UBE2QL1: variants seen among roughly 807,000 people sequenced by gnomAD.
UBE2QL1 encodes the protein ubiquitin-conjugating enzyme E2Q-like protein 1.
Under a neutral mutation model 12.6 loss-of-function variants are expected in UBE2QL1, and 5 were observed. The ratio of observed to expected loss-of-function variants is 0.40; its 90% confidence interval spans 0.21 to 0.83. The LOEUF (loss-of-function observed/expected upper bound fraction) is 0.83, where lower values mean the gene tolerates loss of function less well. Ranked by LOEUF, UBE2QL1 falls within the 40% of genes least tolerant of loss-of-function variation. The pLI, the probability that UBE2QL1 is intolerant of heterozygous loss-of-function variation, is 0.37. For synonymous variants in UBE2QL1, 96 were observed against 94.5 expected (o/e 1.02, Z -0.10); for missense variants, 99 against 222.6 (o/e 0.44, Z 3.53).
At position 6,481,959 on chromosome 5, in the gene UBE2QL1, C is replaced by T. The variant is rs75616436; in HGVS notation, c.355-9259C>T. 0.012 allele frequency among the ~76,000 whole-genome samples: 1,855 copies of T among 152,322 alleles called. 35 individuals carry two copies. Among genetic ancestry groups the T allele is most frequent in the African/African-American group, 0.042 (1,758 of 41,572 alleles). ...CCCCAAAATAGTTGAAGTCCTACCC[C>T]CTGTGGCTGTGAATGTGACCTTATT... On this transcript the variant is annotated intron_variant, in intron 1 of 1. Transcript: ENST00000399816. This position sits in a 1 kb window ranked among gnomAD's most constrained non-coding sequence, Gnocchi z 4.5.
chr5:6,461,797 T>C (rs1739672631), intron 1 of UBE2QL1, among the ~76,000 whole-genome samples: 1 of 152,176 alleles, frequency 6.6e-6, no homozygotes, highest in Non-Finnish European at 1.5e-5. Context: ...AGTGAGATGA[T>C]TCCGATCACC....
intron 1 of UBE2QL1, among the ~76,000 whole-genome samples, chr5:6,461,545 C>T (rs1007807636): frequency 1.8e-5 from 2 of 108,490 alleles, no homozygotes; most frequent in Admixed American, 1.0e-4. Flanking sequence ...CACCCACCAC[C>T]CCCCCCCGCC....
In UBE2QL1 at chr5:6,472,547, C is replaced by T. The variant is rs76611413; in HGVS notation, c.355-18671C>T. 2.5e-3 allele frequency among the ~76,000 whole-genome samples: 375 copies of T among 152,250 alleles called. 1 individual carries two copies. Among genetic ancestry groups the T allele is most frequent in the African/African-American group, 8.5e-3 (353 of 41,542 alleles). ...CCTGATGACTGGGATCTGGACATCA[C>T]GCTGCATACTTGTCAGCCATTCAGG... On this transcript the variant is annotated intron_variant, in intron 1 of 1. Transcript: ENST00000399816.
rs1344522756 is a variant in UBE2QL1, at chr5:6,491,375, G to A, written c.*26G>A. On this transcript the variant is annotated 3_prime_UTR_variant, in exon 2 of 2. Coordinates refer to ENST00000399816, the MANE Select transcript of UBE2QL1 (RefSeq NM_001145161.3). ...TGTCTGCCACGTGCAGTAGACGCTC[G>A]AGCGCCTGTCCACACACACACCAGT... 6.5e-6 allele frequency: 10 copies of A among 1,536,458 alleles called. No homozygotes were observed. The highest frequency in any genetic ancestry group is 2.4e-5 in the East Asian group (1 of 40,876).
At chr5:6,473,433 C>A (rs1183624346) in intron 1 of UBE2QL1, among the ~76,000 whole-genome samples, 1 of 152,208 alleles carries the variant, frequency 6.6e-6, no homozygotes, top group Non-Finnish European at 1.5e-5. Flanking sequence ...AGCATGTCAG[C>A]ATCAGCGCCC....
chr5:6,456,287 A>T (rs1739521195), intron 1 of UBE2QL1, among the ~76,000 whole-genome samples: 1 of 152,230 alleles, frequency 6.6e-6, no homozygotes, highest in Non-Finnish European at 1.5e-5. Flanking sequence ...CTGGGTATAT[A>T]GTGGGGACAT....
rs995696369 is a variant in UBE2QL1, at chr5:6,493,283, G to C, written c.*1934G>C. On this transcript the variant is annotated 3_prime_UTR_variant, in exon 2 of 2. Transcript: ENST00000399816. ...GTGGTCATCATGGAATTACACTGTG[G>C]AGATGAAAGACCTAGGACAGAAACA... 2 of 152,236 alleles carry C rather than the reference G, an allele frequency of 1.3e-5. No homozygotes were observed. The highest frequency in any genetic ancestry group is 2.9e-5 in the Non-Finnish European group (2 of 68,034). 9.4% of individuals were successfully genotyped at this position (152,236 alleles called of 1,614,324 possible). A position where few individuals can be genotyped will look rare whatever the true frequency, so the allele number is the denominator to read the frequency against.
At chr5:6,469,541 TTATACA>T (rs1440487673) in intron 1 of UBE2QL1, among the ~76,000 whole-genome samples, 1 of 147,234 alleles carries the variant, frequency 6.8e-6, no homozygotes, top group African/African-American at 2.5e-5. Flanking sequence ...TATCCTTAGA[TTATACA>T]TATATATAAT....
chr5:6,478,622 GT>G lies in UBE2QL1; in HGVS notation c.355-12583del, dbSNP rs11420520. Among the ~76,000 whole-genome samples, 9,638 of 144,544 alleles carry G rather than the reference GT, an allele frequency of 0.067. 325 individuals are homozygous for G. Among genetic ancestry groups the G allele is most frequent in the Middle Eastern group, 0.11 (30 of 276 alleles). 94.8% of individuals were successfully genotyped at this position (144,544 alleles called of 152,430 possible). A position where few individuals can be genotyped will look rare whatever the true frequency, so the allele number is the denominator to read the frequency against. ...CTAGTGACATTCTTGGTCTCTTTCG[GT>G]TTTTTTTTTTTTGGACTTTAACAGC... On this transcript the variant is annotated intron_variant, in intron 1 of 1. Transcript: ENST00000399816. The surrounding 1 kb of genome is among the most constrained non-coding windows in gnomAD (Gnocchi z 4.5).
intron 1 of UBE2QL1, among the ~76,000 whole-genome samples, chr5:6,462,523 T>G (rs772102485): frequency 8.6e-4 from 131 of 152,364 alleles, no homozygotes; most frequent in Non-Finnish European, 1.6e-3. Flanking sequence ...CAGCTCCTCC[T>G]GCTCCTGCTT....
chr5:6,491,383 G>A lies in UBE2QL1; in HGVS notation c.*34G>A. ...ACGTGCAGTAGACGCTCGAGCGCCTGTCCACACACACACCAGTACCCTGAC... is the reference window on the plus strand; with the variant it reads ...ACGTGCAGTAGACGCTCGAGCGCCTATCCACACACACACCAGTACCCTGAC... On this transcript the variant is annotated 3_prime_UTR_variant, in exon 2 of 2. Coordinates refer to ENST00000399816, the MANE Select transcript of UBE2QL1 (RefSeq NM_001145161.3). 6 of 1,530,852 alleles carry A rather than the reference G, an allele frequency of 3.9e-6. No individual in the cohort carries two copies. Among genetic ancestry groups the A allele is most frequent in the Non-Finnish European group, 5.3e-6 (6 of 1,138,176 alleles). The allele number at this position is 1,530,852 out of a possible 1,614,324, so 94.8% of individuals were successfully genotyped here. A position where few individuals can be genotyped will look rare whatever the true frequency, so the allele number is the denominator to read the frequency against.
intron 1 of UBE2QL1, among the ~76,000 whole-genome samples, chr5:6,465,776 C>T (rs73739320): frequency 0.04 from 6,068 of 152,306 alleles, 184 homozygotes; most frequent in African/African-American, 0.082. Context: ...TCTAGGCTTC[C>T]GGAGGCCAGC....
chr5:6,491,362 G>A lies in UBE2QL1; in HGVS notation c.*13G>A. The stretch of plus-strand genomic sequence containing the variant: ...GTCCGACGGCTGATGTCTGCCACGT[G>A]CAGTAGACGCTCGAGCGCCTGTCCA... On this transcript the variant is annotated 3_prime_UTR_variant, in exon 2 of 2. Coordinates refer to ENST00000399816, the MANE Select transcript of UBE2QL1 (RefSeq NM_001145161.3). The A allele has an allele frequency of 6.5e-7, 1 of 1,545,138 alleles. No homozygotes were observed. The highest frequency in any genetic ancestry group is 8.7e-7 in the Non-Finnish European group (1 of 1,144,274).
intron 1 of UBE2QL1, among the ~76,000 whole-genome samples, chr5:6,471,712 G>A (rs762145479): frequency 1.3e-5 from 2 of 152,204 alleles, no homozygotes; most frequent in African/African-American, 2.4e-5. Flanking sequence ...GGGAGTGAAC[G>A]CCAGGAATCG....
intron 1 of UBE2QL1, among the ~76,000 whole-genome samples, chr5:6,450,454 C>A (rs764328849): frequency 2.0e-5 from 3 of 152,138 alleles, no homozygotes; most frequent in African/African-American, 2.4e-5. Context: ...TTTCCTGAAT[C>A]AATATTAAGC....
chr5:6,451,082 C>T (rs929013470), intron 1 of UBE2QL1, among the ~76,000 whole-genome samples: 27 of 152,150 alleles, frequency 1.8e-4, no homozygotes, highest in African/African-American at 5.6e-4. Context: ...TTTCATTCTT[C>T]GCAATGAAGA....
At position 6,448,877 on chromosome 5, in the gene UBE2QL1, T is replaced by C; in HGVS notation, c.-17T>C. On this transcript the variant is annotated 5_prime_UTR_variant, in exon 1 of 2. Transcript: ENST00000399816. ...GCGCGCCAGCAACACTGCACGCAGG[T>C]GCGCAGCCGGCGGCTCATGAAGGAG... 1 of 1,485,192 alleles carries C rather than the reference T, an allele frequency of 6.7e-7. No homozygotes were observed. The highest frequency in any genetic ancestry group is 9.0e-7 in the Non-Finnish European group (1 of 1,115,564). 92.0% of individuals were successfully genotyped at this position (1,485,192 alleles called of 1,614,324 possible). A position where few individuals can be genotyped will look rare whatever the true frequency, so the allele number is the denominator to read the frequency against.
At chr5:6,451,010 C>T (rs1203217101) in intron 1 of UBE2QL1, among the ~76,000 whole-genome samples, 3 of 152,110 alleles carry the variant, frequency 2.0e-5, no homozygotes, top group Admixed American at 6.5e-5. Context: ...GCAGAAATGC[C>T]TTGGTTATTT....
chr5:6,463,277 T>C (rs973586196), intron 1 of UBE2QL1, among the ~76,000 whole-genome samples: 1 of 152,178 alleles, frequency 6.6e-6, no homozygotes, highest in Non-Finnish European at 1.5e-5. Flanking sequence ...TTCTAGAGCT[T>C]GCAAACATAT....
Sources: allele counts gnomAD v4.1 joint callset (sites outside exome capture counted in the v4.1 genomes callset), GRCh38; gene constraint gnomAD v4.1.1; non-coding constraint Gnocchi (gnomAD v3.1); transcripts MANE v1.5; gene names NCBI Gene and HGNC (gene_info 2026-07-23, HGNC 2026-07-21).